Variants in CDCP1 observed in about 807,000 individuals in gnomAD.
CDCP1 encodes the protein CUB domain containing protein 1.
Under a neutral mutation model 60.2 loss-of-function variants are expected in CDCP1, and 29 were observed. The ratio of observed to expected loss-of-function variants is 0.48; its 90% confidence interval spans 0.36 to 0.66. The LOEUF is 0.66. CDCP1 is among the 30% of genes least tolerant of loss of function. The pLI, the probability that CDCP1 is intolerant of heterozygous loss-of-function variation, is 0.00. For synonymous variants in CDCP1, 387 were observed against 431.1 expected (o/e 0.90, Z 1.27); for missense variants, 876 against 1,074.3 (o/e 0.82, Z 2.58).
Position 45,091,123 on chromosome 3 carries a change from C to T in CDCP1, c.1993+50G>A. The T allele has an allele frequency of 6.4e-7, 1 of 1,564,908 alleles. No individual in the cohort carries two copies. Among genetic ancestry groups the T allele is most frequent in the African/African-American group, 1.4e-5 (1 of 73,816 alleles). ...TCCAGGCTTGCTCTCTATCCTCCAG[C>T]TGACAATTTTTTGTTCATCACTGTC... On this transcript the variant is annotated intron_variant, in intron 7 of 8. Transcript: ENST00000296129. The surrounding 1 kb of genome is among the most constrained non-coding windows in gnomAD (Gnocchi z 4.8).
At chr3:45,105,006 C>A (rs1167297249) in intron 4 of CDCP1, among the ~76,000 whole-genome samples, 1 of 152,236 alleles carries the variant, frequency 6.6e-6, no homozygotes, top group Non-Finnish European at 1.5e-5. Context: ...CAAGATCGTG[C>A]CATTGCACTC....
chr3:45,098,994 A>C (rs2125992531), intron 4 of CDCP1, among the ~76,000 whole-genome samples: 1 of 152,282 alleles, frequency 6.6e-6, no homozygotes, highest in African/African-American at 2.4e-5. Context: ...TCAATGCTCT[A>C]ATCTAAAGGG....
At chr3:45,087,803 A>G (rs1354605639) in intron 8 of CDCP1, among the ~76,000 whole-genome samples, 6 of 151,964 alleles carry the variant, frequency 3.9e-5, no homozygotes, top group African/African-American at 1.2e-4. Flanking sequence ...GTGGATCACA[A>G]GGTCAAGAGA....
chr3:45,129,539 A>C (rs1433765753), intron 1 of CDCP1, among the ~76,000 whole-genome samples: 1 of 152,250 alleles, frequency 6.6e-6, no homozygotes, highest in African/African-American at 2.4e-5. Context: ...TGAAATGTTA[A>C]AAAGATTTAT....
At chr3:45,109,910 G>C (rs1366798274) in intron 4 of CDCP1, among the ~76,000 whole-genome samples, 4 of 152,164 alleles carry the variant, frequency 2.6e-5, no homozygotes, top group Non-Finnish European at 5.9e-5. Context: ...TCAGGGTTCT[G>C]AGCTTGCTCT....
chr3:45,145,399 G>C (rs1268311036), intron 1 of CDCP1, among the ~76,000 whole-genome samples: 1 of 152,156 alleles, frequency 6.6e-6, no homozygotes, highest in East Asian at 1.9e-4. Context: ...AATACATCCA[G>C]GGCCCACAGG....
intron 1 of CDCP1, among the ~76,000 whole-genome samples, chr3:45,138,124 GT>G (rs1259730876): frequency 1.3e-5 from 2 of 152,210 alleles, no homozygotes; most frequent in African/African-American, 4.8e-5. Context: ...TGACAATTAA[GT>G]TGTTATAAAA....
At chr3:45,122,502 C>T (rs976152774) in intron 1 of CDCP1, among the ~76,000 whole-genome samples, 2 of 151,642 alleles carry the variant, frequency 1.3e-5, no homozygotes. Flanking sequence ...CCCTCTGTTG[C>T]CCAGGCCGGA....
At chr3:45,106,686 A>T (rs1345358074) in intron 4 of CDCP1, among the ~76,000 whole-genome samples, 1 of 152,204 alleles carries the variant, frequency 6.6e-6, no homozygotes. Flanking sequence ...ACCACCCACA[A>T]GTGCACTCCT....
chr3:45,116,937 A>G (rs1237273777), intron 2 of CDCP1, among the ~76,000 whole-genome samples: 1 of 152,158 alleles, frequency 6.6e-6, no homozygotes, highest in Non-Finnish European at 1.5e-5. Flanking sequence ...GTCTCTGTAT[A>G]TATTGTTAAG....
intron 4 of CDCP1, among the ~76,000 whole-genome samples, chr3:45,096,768 T>C (rs1698406549): frequency 6.6e-6 from 1 of 151,842 alleles, no homozygotes; most frequent in Non-Finnish European, 1.5e-5. Context: ...GCTATTTATA[T>C]ATACAGACTT....
chr3:45,086,185 A>G, intron 8 of CDCP1, 118 bp from the exon 9 acceptor site: 8 of 838,252 alleles, frequency 9.5e-6, no homozygotes, highest in Non-Finnish European at 1.5e-5. Context: ...TCTCCCCCAA[A>G]TCCCTCAGAT....
At chr3:45,114,525 C>T (rs1698752616) in intron 2 of CDCP1, among the ~76,000 whole-genome samples, 1 of 151,816 alleles carries the variant, frequency 6.6e-6, no homozygotes, top group Admixed American at 6.6e-5. Context: ...GGTGATCCTT[C>T]TGCCTCAGCC....
At chr3:45,126,928 G>A (rs1319554222) in intron 1 of CDCP1, among the ~76,000 whole-genome samples, 1 of 152,204 alleles carries the variant, frequency 6.6e-6, no homozygotes, top group Non-Finnish European at 1.5e-5. Context: ...AAGAGGTAGA[G>A]ACAAGTTTTG....
rs1256415640 is a variant in CDCP1, at chr3:45,146,228, C to T, written c.60G>A (p.Ala20=). ...CACCTGCCCCGCGCGGCAGGCGCGC[C>T]GCACCCAGCAGCAGAACCCCTAGCA... The part of the protein sequence containing the change: ...IALLGVLLLG[A]ARLPRGAEAF... Residue 20 remains alanine (A), a synonymous_variant, in exon 1 of 9, where the codon GCG becomes GCA. Coordinates refer to ENST00000296129, the MANE Select transcript of CDCP1 (RefSeq NM_022842.5). 6.3e-7 allele frequency: 1 copy of T among 1,596,988 alleles called. No individual in the cohort carries two copies. Among genetic ancestry groups the T allele is most frequent in the South Asian group, 1.1e-5 (1 of 89,102 alleles).
rs1698831538 is a variant in CDCP1, at chr3:45,118,568, G to A, written c.136C>T (p.Leu46=). The change falls in exon 2 of 9, where the codon CTG becomes TTG. Residue 46 remains leucine (L), a synonymous_variant. Transcript: ENST00000296129. ...RESNITVLIK[L]GTPTLLAKPC... ...TTTGCCAGCAGAGTCGGGGTCCCCA[G>A]CTTTATGAGAACTGTAATGTTGCTT... The A allele has an allele frequency of 1.9e-6, 3 of 1,614,118 alleles. No individual in the cohort carries two copies. The highest frequency in any genetic ancestry group is 1.3e-5 in the African/African-American group (1 of 75,060).
intron 1 of CDCP1, among the ~76,000 whole-genome samples, chr3:45,124,096 T>G (rs1698933274): frequency 6.6e-6 from 1 of 152,124 alleles, no homozygotes; most frequent in South Asian, 2.1e-4. Flanking sequence ...GGGGGAAGAA[T>G]TTCCATTTGT....
At chr3:45,106,326 C>A (rs1358800692) in intron 4 of CDCP1, among the ~76,000 whole-genome samples, 1 of 152,150 alleles carries the variant, frequency 6.6e-6, no homozygotes, top group Non-Finnish European at 1.5e-5. Context: ...TCTATGGTTG[C>A]ACTTTGGTTT....
chr3:45,104,597 A>T (rs913733951), intron 4 of CDCP1, among the ~76,000 whole-genome samples: 3 of 152,136 alleles, frequency 2.0e-5, no homozygotes, highest in Non-Finnish European at 4.4e-5. Context: ...CCCTCACAAC[A>T]TGGGGGGAAG....
Sources: gnomAD v4.1 joint callset for allele counts (sites outside exome capture counted in the v4.1 genomes callset) on GRCh38, gnomAD v4.1.1 for gene constraint, Gnocchi (gnomAD v3.1) non-coding constraint, MANE v1.5 for transcripts, NCBI Gene and HGNC (gene_info 2026-07-23, HGNC 2026-07-21) for gene names.